The following PLGRKT variants were observed in gnomAD, a reference collection of about 807,000 sequenced individuals.
The protein encoded by PLGRKT is plasminogen receptor with a C-terminal lysine.
In PLGRKT, 22 loss-of-function variants were observed where a neutral mutation model predicts 18.5. That is an observed-to-expected ratio of 1.19 (90% CI 0.85 to 1.70). The LOEUF is 1.70. Among genes scored for constraint, PLGRKT ranks in the 40% most tolerant of loss-of-function variants. The pLI, the probability that PLGRKT is intolerant of heterozygous loss-of-function variation, is 0.00. For synonymous variants in PLGRKT, 72 were observed against 52.8 expected (o/e 1.36, Z -1.58); for missense variants, 235 against 174.4 (o/e 1.35, Z -1.96).
chr9:5,372,932 G>A (rs12343496), intron 3 of PLGRKT, among the ~76,000 whole-genome samples: 3,858 of 152,188 alleles, frequency 0.025, 147 homozygotes, highest in African/African-American at 0.087. Flanking sequence ...GATTTTCCCC[G>A]TGGTCACAGT....
At chr9:5,394,248 G>C (rs574058320) in intron 3 of PLGRKT, among the ~76,000 whole-genome samples, 2 of 151,920 alleles carry the variant, frequency 1.3e-5, no homozygotes, top group African/African-American at 4.9e-5. Context: ...GATGAACTGA[G>C]GGTGAGCAGG....
chr9:5,397,717 A>C (rs2131122664), intron 3 of PLGRKT, among the ~76,000 whole-genome samples: 1 of 151,688 alleles, frequency 6.6e-6, no homozygotes, highest in East Asian at 1.9e-4. Flanking sequence ...AAAAAGGAGA[A>C]AGCAAGAACA....
intron 3 of PLGRKT, among the ~76,000 whole-genome samples, chr9:5,424,411 TTAACATATAATA>T (rs1563789762): frequency 3.2e-5 from 4 of 126,062 alleles, no homozygotes; most frequent in Admixed American, 9.0e-5. Flanking sequence ...ATATTATATA[TTAACATATAATA>T]TATAACATAT....
intron 3 of PLGRKT, among the ~76,000 whole-genome samples, chr9:5,386,770 A>G (rs1817852239): frequency 1.3e-5 from 2 of 151,864 alleles, no homozygotes; most frequent in Non-Finnish European, 2.9e-5. Flanking sequence ...ATCACCCATA[A>G]TTATCCTCTG....
intron 2 of PLGRKT, among the ~76,000 whole-genome samples, chr9:5,433,948 G>C (rs574842116): frequency 6.9e-6 from 1 of 144,490 alleles, no homozygotes; most frequent in Non-Finnish European, 1.5e-5. Flanking sequence ...CTGCCCGGCC[G>C]CCCCGTCTGG....
chr9:5,367,250 A>C lies in PLGRKT; in HGVS notation c.82-5362T>G, dbSNP rs147721731. Among the ~76,000 whole-genome samples the C allele has an allele frequency of 9.8e-5, 15 of 152,324 alleles. No individual in the cohort carries two copies. The East Asian group carries it at 2.9e-3, about 29-fold the overall frequency. ...CAGAACTAGAAAAAAAACTTTTCTA[A>C]AATTCATATGAAACCAAAAAAAGTC... is the stretch of plus-strand genomic sequence containing the variant. On this transcript the variant is annotated intron_variant, in intron 3 of 5. Coordinates refer to ENST00000223864, the MANE Select transcript of PLGRKT (RefSeq NM_018465.4).
intron 3 of PLGRKT, chr9:5,382,152 C>T (rs117524611): frequency 3.0e-6 from 1 of 337,134 alleles, no homozygotes; most frequent in East Asian, 1.7e-4. Flanking sequence ...TATTCATTCC[C>T]TCACTTGCCA....
chr9:5,434,869 G>A (rs902425858), intron 2 of PLGRKT, among the ~76,000 whole-genome samples: 119 of 151,904 alleles, frequency 7.8e-4, no homozygotes, highest in African/African-American at 2.1e-3. Flanking sequence ...CGGTTTTGTC[G>A]AAAAGAAAAG....
chr9:5,358,318 T>C lies in PLGRKT; in HGVS notation c.365A>G (p.Gln122Arg), dbSNP rs749517978. 5.0e-5 allele frequency: 80 copies of C among 1,610,042 alleles called. No homozygotes were observed. Among genetic ancestry groups the C allele is most frequent in the Non-Finnish European group, 6.1e-5 (72 of 1,176,670 alleles). Residue 122 changes from glutamine (Q) to arginine (R), a missense_variant, in exon 6 of 6, where the codon CAG (glutamine) becomes CGG (arginine). By Grantham distance (43) the Gln-to-Arg change is conservative. Coordinates refer to ENST00000223864, the MANE Select transcript of PLGRKT (RefSeq NM_018465.4). ...DILETEKSKL[Q>R]LPRGMITFES... ...AAAAGTGATCATTCCTCTTGGCAGC[T>C]GCAATTTACTCTTTTCTGTTTCCAG...
chr9:5,367,030 T>TACACACACACACACACACACAC (rs56259718), intron 3 of PLGRKT, among the ~76,000 whole-genome samples: 1 of 112,312 alleles, frequency 8.9e-6, no homozygotes, highest in African/African-American at 3.3e-5. Context: ...TACACACACA[T>TACACACACACACACACACACAC]ACACACACAC....
chr9:5,424,693 C>CATATATATATATATATATAT (rs1818660346), intron 3 of PLGRKT, among the ~76,000 whole-genome samples: 3 of 58,046 alleles, frequency 5.2e-5, no homozygotes, highest in African/African-American at 2.4e-4. Flanking sequence ...TATATATATA[C>CATATATATATATATATATAT]ACACAGGGGG....
In PLGRKT at chr9:5,417,569, G is replaced by GA. The variant is rs1256254557; in HGVS notation, c.81+14327dup. Among the ~76,000 whole-genome samples the GA allele has an allele frequency of 8.1e-3, 900 of 111,120 alleles. 5 individuals carry two copies. The highest frequency in any genetic ancestry group is 0.026 in the African/African-American group (791 of 30,658). The allele number at this position is 111,120 out of a possible 152,430, so 72.9% of individuals were successfully genotyped here. ...TGTGTGTCAAGGGACACTGTCAAGAGAAAAAAAAAAACACCTGCGAATGGG... is the reference window on the plus strand; with the variant it reads ...TGTGTGTCAAGGGACACTGTCAAGAGAAAAAAAAAAAACACCTGCGAATGGG... On this transcript the variant is annotated intron_variant, in intron 3 of 5. Coordinates refer to ENST00000223864, the MANE Select transcript of PLGRKT (RefSeq NM_018465.4).
intron 3 of PLGRKT, among the ~76,000 whole-genome samples, chr9:5,366,096 G>C (rs545162230): frequency 1.3e-5 from 2 of 152,242 alleles, no homozygotes; most frequent in African/African-American, 4.8e-5. Flanking sequence ...ATAAGATTAT[G>C]TTTAAATTCA....
intron 3 of PLGRKT, among the ~76,000 whole-genome samples, chr9:5,372,018 G>C (rs1817529925): frequency 2.7e-5 from 1 of 36,952 alleles, no homozygotes; most frequent in Admixed American, 3.4e-4. Context: ...GTCTCGCTCT[G>C]TCTCCCAGGC....
intron 3 of PLGRKT, among the ~76,000 whole-genome samples, chr9:5,369,622 A>G (rs1817473964): frequency 6.6e-6 from 1 of 152,148 alleles, no homozygotes; most frequent in Admixed American, 6.6e-5. Flanking sequence ...AAATTACTAT[A>G]AAGACACATG....
At chr9:5,415,492 A>C (rs1818442502) in intron 3 of PLGRKT, among the ~76,000 whole-genome samples, 1 of 152,192 alleles carries the variant, frequency 6.6e-6, no homozygotes, top group Non-Finnish European at 1.5e-5. Flanking sequence ...GTTCAAGAAG[A>C]AGCAGAATAT....
chr9:5,391,971 A>C (rs1432323547), intron 3 of PLGRKT, among the ~76,000 whole-genome samples: 1 of 151,900 alleles, frequency 6.6e-6, no homozygotes. Context: ...GCAAGGATGC[A>C]CAGAGAGGAG....
intron 3 of PLGRKT, among the ~76,000 whole-genome samples, chr9:5,392,811 G>C (rs1020002685): frequency 6.6e-6 from 1 of 151,442 alleles, no homozygotes; most frequent in Non-Finnish European, 1.5e-5. Context: ...TTTCCGGATT[G>C]ATTTTTATTT....
intron 3 of PLGRKT, among the ~76,000 whole-genome samples, chr9:5,373,281 T>A (rs1247346176): frequency 6.6e-6 from 1 of 152,202 alleles, no homozygotes; most frequent in African/African-American, 2.4e-5. Flanking sequence ...TACCACTCTC[T>A]GAAATTAAGC....
Sources: gnomAD v4.1 joint callset for allele counts (sites outside exome capture counted in the v4.1 genomes callset) on GRCh38, gnomAD v4.1.1 for gene constraint, MANE v1.5 for transcripts, NCBI Gene and HGNC (gene_info 2026-07-23, HGNC 2026-07-21) for gene names.